Variants in ZNF69 observed in about 807,000 individuals in gnomAD.
ZNF69 encodes the protein zinc finger protein 69.
A neutral mutation model predicts 50.9 loss-of-function variants in ZNF69; 47 were observed. The observed-to-expected ratio is 0.92, with a 90% CI of 0.73 to 1.18. ZNF69 has a LOEUF of 1.18. Ranked by LOEUF, ZNF69 falls within the 50% of genes most tolerant of loss-of-function variation. The pLI, the probability that ZNF69 is intolerant of heterozygous loss-of-function variation, is 0.00. For synonymous variants in ZNF69, 216 were observed against 223.1 expected, an observed-to-expected ratio of 0.97 and a Z score of 0.29; for missense variants, 717 against 675.1, an observed-to-expected ratio of 1.06 and a Z score of -0.69.
At chr19:11,904,558 A>G in intron 3 of ZNF69, 91 bp from the exon 4 acceptor site, 9 of 1,496,402 alleles carry the variant, frequency 6.0e-6, no homozygotes, top group South Asian at 2.7e-5. Context: ...ACTTTGATGG[A>G]CAGTGTTAAA....
Position 11,887,995 on chromosome 19 carries a change from C to G in ZNF69, c.63+9C>G. 6.2e-7 allele frequency: 1 copy of G among 1,610,760 alleles called. No individual in the cohort carries two copies. On this transcript the variant is annotated intron_variant, in intron 1 of 3. Transcript: ENST00000429654. ...CTGAAAGCCAGGAAATGGTGCGTGT[C>G]TGGGGCCGGGTGTCGTGAGACGGGG...
the ZNF69 span, among the ~76,000 whole-genome samples, chr19:11,936,029 A>G: frequency 6.6e-6 from 1 of 152,214 alleles, no homozygotes; most frequent in Admixed American, 6.5e-5. Flanking sequence ...CCTGCAAAGG[A>G]CATGAACTCA....
the ZNF69 span, among the ~76,000 whole-genome samples, chr19:11,963,088 A>AGAGAGAGT: frequency 7.2e-6 from 1 of 138,248 alleles, no homozygotes; most frequent in African/African-American, 3.0e-5. Context: ...AGAGAGAGAG[A>AGAGAGAGT]GTGTGTGTGT....
At chr19:11,948,614 A>G in the ZNF69 span, 1 of 1,611,552 alleles carries the variant, frequency 6.2e-7, no homozygotes, top group Non-Finnish European at 8.5e-7. Context: ...TATGCTTGTA[A>G]AGTCTGTGGA....
At chr19:11,897,583 A>T (rs1972152559) in intron 1 of ZNF69, among the ~76,000 whole-genome samples, 1 of 151,292 alleles carries the variant, frequency 6.6e-6, no homozygotes, top group South Asian at 2.1e-4. Flanking sequence ...TGAAAAAAAA[A>T]AAAAAAGAGT....
At chr19:11,948,693 A>G in the ZNF69 span, 14 of 1,612,142 alleles carry the variant, frequency 8.7e-6, no homozygotes, top group Non-Finnish European at 1.2e-5. Context: ...GAACTTATAA[A>G]TGTAAATTTT....
the ZNF69 span, chr19:11,948,977 C>T: frequency 2.5e-6 from 4 of 1,608,668 alleles, no homozygotes; most frequent in South Asian, 3.3e-5. Context: ...TTTGCATATA[C>T]CAGTTCTCTT....
the ZNF69 span, among the ~76,000 whole-genome samples, chr19:11,963,088 AGTGTGTGTGT>A: frequency 2.9e-5 from 4 of 138,248 alleles, no homozygotes; most frequent in South Asian, 2.2e-4. Flanking sequence ...AGAGAGAGAG[AGTGTGTGTGT>A]GTGTGTGTGT....
chr19:11,978,671 TCA>T, the ZNF69 span: 6 of 1,614,112 alleles, frequency 3.7e-6, no homozygotes, highest in Non-Finnish European at 5.1e-6. Flanking sequence ...ATGAAAGAAC[TCA>T]CACTGGAGAA....
At chr19:11,941,369 G>A in the ZNF69 span, among the ~76,000 whole-genome samples, 4 of 152,152 alleles carry the variant, frequency 2.6e-5, no homozygotes, top group Admixed American at 6.5e-5. Flanking sequence ...GGGGAGGCTC[G>A]GGCCGCACAG....
the ZNF69 span, among the ~76,000 whole-genome samples, chr19:11,921,810 G>A: frequency 6.6e-6 from 1 of 152,092 alleles, no homozygotes; most frequent in Non-Finnish European, 1.5e-5. Flanking sequence ...GCCCTGAAAT[G>A]GAAATATTTC....
chr19:11,979,170 TCA>T, the ZNF69 span: 1 of 1,611,984 alleles, frequency 6.2e-7, no homozygotes, highest in Non-Finnish European at 8.5e-7. Flanking sequence ...ATGAAAAAAC[TCA>T]CACTGGAGAG....
chr19:11,917,336 G>C (rs1599269815), downstream of ZNF69, among the ~76,000 whole-genome samples: 1 of 152,204 alleles, frequency 6.6e-6, no homozygotes, highest in East Asian at 1.9e-4. Context: ...TGAGACCCTG[G>C]TGGAAGGACT....
At position 11,897,538 on chromosome 19, in the gene ZNF69, A is replaced by G. The variant is rs577943057; in HGVS notation, c.64-6035A>G. On this transcript the variant is annotated intron_variant, in intron 1 of 3. Transcript: ENST00000429654. ...TGCAGTGAGCTATGATTGCACCGCT[A>G]CACTCCAGCCTGGGCAACAGAATGA... Among the ~76,000 whole-genome samples, 6 of 148,764 alleles carry G rather than the reference A, an allele frequency of 4.0e-5. No homozygotes were observed. In the East Asian group the frequency reaches 1.2e-3, roughly 30 times the overall value.
At chr19:11,929,383 C>T in the ZNF69 span, among the ~76,000 whole-genome samples, 1 of 148,136 alleles carries the variant, frequency 6.8e-6, no homozygotes, top group Non-Finnish European at 1.5e-5. Flanking sequence ...AGGCTAGTCT[C>T]AACTCCTGTC....
chr19:11,901,493 G>C (rs548761689), intron 1 of ZNF69, among the ~76,000 whole-genome samples: 23 of 152,152 alleles, frequency 1.5e-4, no homozygotes, highest in Middle Eastern at 3.4e-3. Context: ...TTCTTATGGT[G>C]TTTTGTTTGT....
At chr19:11,935,539 T>G in the ZNF69 span, among the ~76,000 whole-genome samples, 301 of 152,134 alleles carry the variant, frequency 2.0e-3, 2 homozygotes, top group African/African-American at 6.7e-3. Flanking sequence ...GCTTTTTGCT[T>G]CTTTTTTGAT....
intron 1 of ZNF69, among the ~76,000 whole-genome samples, chr19:11,893,525 C>T (rs977884679): frequency 3.3e-5 from 5 of 152,192 alleles, no homozygotes; most frequent in African/African-American, 1.2e-4. Context: ...TGCCTCTCCT[C>T]CTTTTATCTT....
the ZNF69 span, among the ~76,000 whole-genome samples, chr19:11,937,044 T>C: frequency 2.6e-5 from 4 of 152,218 alleles, no homozygotes; most frequent in South Asian, 8.3e-4. Flanking sequence ...TCCATTGGTC[T>C]ATATATCTGT....
Sources: gnomAD v4.1 joint callset for allele counts (sites outside exome capture counted in the v4.1 genomes callset) on GRCh38, gnomAD v4.1.1 for gene constraint, MANE v1.5 for transcripts, NCBI Gene and HGNC (gene_info 2026-07-23, HGNC 2026-07-21) for gene names.